Variants in CCDC6 observed in about 807,000 individuals in gnomAD.
The protein encoded by CCDC6 is coiled-coil domain containing 6, also known as coiled-coil domain-containing protein 6.
In CCDC6, 20 loss-of-function variants were observed where a neutral mutation model predicts 56.6. That is an observed-to-expected ratio of 0.35 (90% CI 0.25 to 0.51). The LOEUF (loss-of-function observed/expected upper bound fraction) is 0.51, where lower values mean the gene tolerates loss of function less well. Ranked by LOEUF, CCDC6 falls within the 20% of genes least tolerant of loss-of-function variation. The pLI is 0.95. For synonymous variants in CCDC6, 241 were observed against 234.4 expected (o/e 1.03, Z -0.26); for missense variants, 367 against 601.1 (o/e 0.61, Z 4.07).
chr10:59,811,823 GTATT>G (rs2070674969), intron 5 of CCDC6, among the ~76,000 whole-genome samples: 2 of 151,848 alleles, frequency 1.3e-5, no homozygotes, highest in Non-Finnish European at 2.9e-5. Flanking sequence ...AGGGACAACT[GTATT>G]TATTGAAAAA....
rs79434437 is a variant in CCDC6 at position 59,800,481 on chromosome 10, A to T, written c.1105+3939T>A. Among the ~76,000 whole-genome samples, 403 of 152,374 alleles carry T rather than the reference A, an allele frequency of 2.6e-3. 3 individuals are homozygous for T. The highest frequency in any genetic ancestry group is 9.4e-3 in the African/African-American group (391 of 41,592). ...CATCCAAATTGTTCTAAGTGTCAAT[A>T]GTTAATCTGTTTATTGCTGAACAGT... On this transcript the variant is annotated intron_variant, in intron 7 of 8. Transcript: ENST00000263102.
At chr10:59,804,383 G>T in intron 7 of CCDC6, 37 bp downstream of exon 7, 1 of 1,236,956 alleles carries the variant, frequency 8.1e-7, no homozygotes, top group Non-Finnish European at 1.2e-6. Flanking sequence ...AATGTGCCAG[G>T]AATCAGTCAC....
chr10:59,792,882 G>T lies in CCDC6; in HGVS notation c.*35C>A. ...CGTTGAGTAGACGGCTCCATTGGAT[G>T]AGTCCCAACTTGAAATTCAGACTAA... On this transcript the variant is annotated 3_prime_UTR_variant, in exon 9 of 9. Coordinates refer to ENST00000263102, the MANE Select transcript of CCDC6 (RefSeq NM_005436.5). 2 of 1,601,714 alleles carry T rather than the reference G, an allele frequency of 1.2e-6. No individual in the cohort carries two copies. The highest frequency in any genetic ancestry group is 1.1e-5 in the South Asian group (1 of 90,722).
chr10:59,827,452 C>T (rs1313410931), intron 3 of CCDC6, among the ~76,000 whole-genome samples: 1 of 152,136 alleles, frequency 6.6e-6, no homozygotes, highest in Admixed American at 6.5e-5. Context: ...AACTTTAGTA[C>T]ACATGGAGTG....
At chr10:59,804,340 A>C in intron 7 of CCDC6, 80 bp downstream of exon 7, 1 of 833,430 alleles carries the variant, frequency 1.2e-6, no homozygotes. Context: ...ATTTTTATAC[A>C]CTAGAAGGGA....
At chr10:59,823,497 C>A (rs961014875) in intron 3 of CCDC6, among the ~76,000 whole-genome samples, 3 of 152,176 alleles carry the variant, frequency 2.0e-5, no homozygotes, top group African/African-American at 7.2e-5. Context: ...ACCCCTCTCA[C>A]AACTACTGTG....
chr10:59,896,158 C>T (rs1227410092), intron 1 of CCDC6, among the ~76,000 whole-genome samples: 2 of 152,010 alleles, frequency 1.3e-5, no homozygotes, highest in Non-Finnish European at 2.9e-5. Flanking sequence ...ATAAACTGTA[C>T]CTGTGAGTAT....
intron 1 of CCDC6, among the ~76,000 whole-genome samples, chr10:59,868,914 C>G (rs532274876): frequency 1.3e-5 from 2 of 152,222 alleles, no homozygotes; most frequent in South Asian, 2.1e-4. Context: ...TGGACTTTGT[C>G]CCATGCACCT....
At chr10:59,820,789 GA>G (rs1400909531) in intron 3 of CCDC6, among the ~76,000 whole-genome samples, 2 of 123,546 alleles carry the variant, frequency 1.6e-5, no homozygotes, top group Non-Finnish European at 3.5e-5. Context: ...AAGAAAGAAA[GA>G]AAAAAAAGAA....
At chr10:59,837,898 T>C (rs968255355) in intron 2 of CCDC6, among the ~76,000 whole-genome samples, 11 of 152,170 alleles carry the variant, frequency 7.2e-5, no homozygotes, top group African/African-American at 2.2e-4. Flanking sequence ...CTACCTGCAT[T>C]GGACCAAGTA....
chr10:59,837,283 G>A lies in CCDC6; in HGVS notation c.454-4630C>T, dbSNP rs1443986609. On this transcript the variant is annotated intron_variant, in intron 2 of 8. Coordinates refer to ENST00000263102, the MANE Select transcript of CCDC6 (RefSeq NM_005436.5). ...ATAGGTACCACAGGTGCATGTGCAC[G>A]CTGGATGCTGAGAGCACCTTCCCAC... Among the ~76,000 whole-genome samples, 11 of 152,168 alleles carry A rather than the reference G, an allele frequency of 7.2e-5. No individual in the cohort carries two copies. In the South Asian group the frequency reaches 1.9e-3, roughly 26 times the overall value.
At chr10:59,900,246 C>T (rs545834159) in intron 1 of CCDC6, among the ~76,000 whole-genome samples, 2 of 152,130 alleles carry the variant, frequency 1.3e-5, no homozygotes, top group East Asian at 3.9e-4. Context: ...TAGGTGCATA[C>T]CCCAGTAGCA....
intron 6 of CCDC6, among the ~76,000 whole-genome samples, chr10:59,805,806 T>C (rs1273871225): frequency 1.3e-5 from 2 of 152,338 alleles, no homozygotes; most frequent in Admixed American, 6.5e-5. Flanking sequence ...TATAAAAATA[T>C]AGACTTTCAT....
At position 59,834,549 on chromosome 10, in the gene CCDC6, C is replaced by T. The variant is rs7071729; in HGVS notation, c.454-1896G>A. On this transcript the variant is annotated intron_variant, in intron 2 of 8. Coordinates refer to ENST00000263102, the MANE Select transcript of CCDC6 (RefSeq NM_005436.5). ...TTGCACTCCAGCCTGGGCAACAGAG[C>T]GAGACTCTGTCTCAAAAAAGAAAAA... Among the ~76,000 whole-genome samples the T allele has an allele frequency of 2.6e-3, 388 of 146,730 alleles. 2 individuals are homozygous for T. Among genetic ancestry groups the T allele is most frequent in the African/African-American group, 8.9e-3 (350 of 39,110 alleles).
intron 3 of CCDC6, among the ~76,000 whole-genome samples, chr10:59,828,992 T>C (rs1226191744): frequency 1.3e-5 from 2 of 152,204 alleles, no homozygotes; most frequent in Non-Finnish European, 2.9e-5. Flanking sequence ...TAGACCTTCA[T>C]GATCTAGCTG....
At chr10:59,895,374 G>A (rs1014965999) in intron 1 of CCDC6, among the ~76,000 whole-genome samples, 3 of 152,214 alleles carry the variant, frequency 2.0e-5, no homozygotes, top group Non-Finnish European at 4.4e-5. Context: ...GACTGTAGAA[G>A]CTCTGAGGTC....
chr10:59,863,587 G>A (rs1215874444), intron 1 of CCDC6, among the ~76,000 whole-genome samples: 2 of 152,144 alleles, frequency 1.3e-5, no homozygotes, highest in East Asian at 3.9e-4. Context: ...GGGATAGTGA[G>A]TGCTAAAACT....
intron 2 of CCDC6, among the ~76,000 whole-genome samples, chr10:59,844,497 T>C (rs2070972062): frequency 6.7e-6 from 1 of 149,298 alleles, no homozygotes; most frequent in African/African-American, 2.5e-5. Context: ...ATGCCTGTAA[T>C]CCAGCACTTT....
At chr10:59,809,952 A>G (rs1432984226) in intron 5 of CCDC6, among the ~76,000 whole-genome samples, 2 of 152,220 alleles carry the variant, frequency 1.3e-5, no homozygotes, top group Non-Finnish European at 2.9e-5. Context: ...GTGGCTCCCA[A>G]ATGATCCAAA....
Sources: gnomAD v4.1 joint callset for allele counts (sites outside exome capture counted in the v4.1 genomes callset) on GRCh38, gnomAD v4.1.1 for gene constraint, MANE v1.5 for transcripts, NCBI Gene and HGNC (gene_info 2026-07-23, HGNC 2026-07-21) for gene names.